Variants in TBCD observed in about 807,000 individuals in gnomAD.
The protein encoded by TBCD is tubulin-specific chaperone D.
In TBCD, 105 loss-of-function variants were observed where a neutral mutation model predicts 169.3. The observed-to-expected ratio is 0.62, with a 90% CI of 0.53 to 0.73. The LOEUF (loss-of-function observed/expected upper bound fraction) is 0.73, where lower values mean the gene tolerates loss of function less well. TBCD is among the 30% of genes least tolerant of loss of function. The pLI is 0.00. For missense variants in TBCD, 1,444 were observed against 1,600.1 expected, an observed-to-expected ratio of 0.90 and a Z score of 1.66; for synonymous variants, 700 against 643.9, an observed-to-expected ratio of 1.09 and a Z score of -1.32.
chr17:82,885,363 G>A (rs2058648754), intron 15 of TBCD, among the ~76,000 whole-genome samples: 1 of 152,176 alleles, frequency 6.6e-6, no homozygotes, highest in South Asian at 2.1e-4. Flanking sequence ...AGCTCAAAAT[G>A]TCTGTCATCT....
In TBCD at chr17:82,923,367, G is replaced by C. The variant is rs570293229; in HGVS notation, c.2179-285G>C. Among the ~76,000 whole-genome samples, 61 of 152,290 alleles carry C rather than the reference G, an allele frequency of 4.0e-4. No individual in the cohort carries two copies. Among genetic ancestry groups the C allele is most frequent in the Non-Finnish European group, 9.0e-4 (61 of 68,016 alleles). ...ATGACTTAGGGGTTCTTTTGGTTTGGTTCGAAAGTCATTGCTGTGCCGAGA... is the reference window on the plus strand; with the variant it reads ...ATGACTTAGGGGTTCTTTTGGTTTGCTTCGAAAGTCATTGCTGTGCCGAGA... On this transcript the variant is annotated intron_variant, in intron 25 of 38. Transcript: ENST00000355528. The surrounding 1 kb of genome is among the most constrained non-coding windows in gnomAD (Gnocchi z 4.6).
chr17:82,942,441 T>C lies in TBCD; in HGVS notation c.3565-8T>C, dbSNP rs779848425. ...GACCAGCCTGAGCTTGTCTTGTCTCTTCTTCAGCCTGGTGCCTGCTGAAGC... is the reference window on the plus strand; with the variant it reads ...GACCAGCCTGAGCTTGTCTTGTCTCCTCTTCAGCCTGGTGCCTGCTGAAGC... On this transcript the variant is annotated splice_region_variant and splice_polypyrimidine_tract_variant and intron_variant, in intron 38 of 38. Coordinates refer to ENST00000355528, the MANE Select transcript of TBCD (RefSeq NM_005993.5). 3 of 1,613,898 alleles carry C rather than the reference T, an allele frequency of 1.9e-6. No individual in the cohort carries two copies. Among genetic ancestry groups the C allele is most frequent in the Non-Finnish European group, 2.5e-6 (3 of 1,179,826 alleles).
intron 13 of TBCD, among the ~76,000 whole-genome samples, chr17:82,824,880 T>G (rs1047217563): frequency 6.6e-6 from 1 of 152,120 alleles, no homozygotes; most frequent in African/African-American, 2.4e-5. Context: ...AAATTACGAG[T>G]GTTTAGTTCT....
chr17:82,799,878 G>A (rs1243152793), intron 8 of TBCD, among the ~76,000 whole-genome samples: 1 of 152,214 alleles, frequency 6.6e-6, no homozygotes, highest in East Asian at 1.9e-4. Context: ...AGCTGACCTG[G>A]TTTTATAGGC....
At chr17:82,827,750 C>T (rs1482837996) in intron 13 of TBCD, among the ~76,000 whole-genome samples, 4 of 152,048 alleles carry the variant, frequency 2.6e-5, no homozygotes, top group African/African-American at 4.8e-5. Flanking sequence ...CGTGCACACC[C>T]GTACAATCGA....
chr17:82,928,716 T>A (rs571477515), intron 30 of TBCD, among the ~76,000 whole-genome samples: 1 of 148,690 alleles, frequency 6.7e-6, no homozygotes, highest in East Asian at 2.1e-4. Context: ...CCCCTCCCCA[T>A]CTCTTCCCCA....
intron 34 of TBCD, among the ~76,000 whole-genome samples, chr17:82,936,312 G>A (rs1048687418): frequency 6.6e-6 from 1 of 152,234 alleles, no homozygotes; most frequent in African/African-American, 2.4e-5. Context: ...CGTCTTTTCA[G>A]GTGTAGGTTT....
intron 29 of TBCD, among the ~76,000 whole-genome samples, chr17:82,927,602 G>A (rs1472262711): frequency 6.6e-6 from 1 of 152,132 alleles, no homozygotes; most frequent in Non-Finnish European, 1.5e-5. Context: ...AAAGGCTGCC[G>A]GCTGCTTACA....
chr17:82,926,481 G>T lies in TBCD; in HGVS notation c.2461G>T (p.Ala821Ser). Reference sequence around the variant, plus strand: ...TGAGTCCAGGAGAGACGGCTTGAAGGCCATTGCGAGGTGAGTCCCAACAGT... The same window carrying T: ...TGAGTCCAGGAGAGACGGCTTGAAGTCCATTGCGAGGTGAGTCCCAACAGT... ...FAESRRDGLKAIARICQTVGV... is the reference protein window; with the variant it reads ...FAESRRDGLKSIARICQTVGV... The change falls in exon 28 of 39, where the codon GCC (alanine) becomes TCC (serine). Residue 821 changes from alanine (A) to serine (S), a missense_variant. Ala to Ser is a moderately conservative substitution (Grantham distance 99). Transcript: ENST00000355528. The T allele has an allele frequency of 6.2e-7, 1 of 1,613,860 alleles. No individual in the cohort carries two copies. The highest frequency in any genetic ancestry group is 8.5e-7 in the Non-Finnish European group (1 of 1,179,820).
intron 13 of TBCD, chr17:82,839,079 C>T (rs551890495): frequency 5.4e-6 from 4 of 735,870 alleles, no homozygotes; most frequent in Non-Finnish European, 6.6e-6. Flanking sequence ...AACTTAACCC[C>T]TTTGGTTTGG....
In TBCD at chr17:82,831,498, G is replaced by A. The variant is rs141585758; in HGVS notation, c.1318+16564G>A. ...ATGCAGACTCTGGCCTGTAAAATCC[G>A]TAAGGAATCGGCAGGTTAGAGGGAT... On this transcript the variant is annotated intron_variant, in intron 13 of 38. Coordinates refer to ENST00000355528, the MANE Select transcript of TBCD (RefSeq NM_005993.5). The surrounding 1 kb of genome is among the most constrained non-coding windows in gnomAD (Gnocchi z 4.6). 4.5e-5 allele frequency: 72 copies of A among 1,614,058 alleles called. No homozygotes were observed. In the African/African-American group the frequency reaches 6.1e-4, roughly 14 times the overall value.
chr17:82,937,188 T>G (rs1599711605), intron 34 of TBCD, 83 bp from the exon 35 acceptor site: 2 of 1,298,570 alleles, frequency 1.5e-6, no homozygotes, highest in Non-Finnish European at 2.2e-6. Flanking sequence ...GAGGACGGAG[T>G]TGACCTTCTT....
At chr17:82,859,742 G>A (rs899356602) in intron 13 of TBCD, 16 of 985,344 alleles carry the variant, frequency 1.6e-5, no homozygotes, top group Non-Finnish European at 1.8e-5. Flanking sequence ...TCCACAGTGG[G>A]GGCTGCTGCC....
intron 9 of TBCD, among the ~76,000 whole-genome samples, chr17:82,802,133 A>T (rs1475714368): frequency 1.3e-5 from 1 of 78,090 alleles, no homozygotes; most frequent in African/African-American, 4.5e-5. Context: ...TGTTGGAGAA[A>T]GTGAAACCGC....
chr17:82,802,403 A>G (rs186275162), intron 9 of TBCD, among the ~76,000 whole-genome samples: 8 of 152,252 alleles, frequency 5.3e-5, no homozygotes, highest in Non-Finnish European at 1.0e-4. Context: ...CTCTGTAGGA[A>G]GTTGCTCATT....
chr17:82,906,326 C>G (rs910526949), intron 20 of TBCD, among the ~76,000 whole-genome samples: 3 of 152,240 alleles, frequency 2.0e-5, no homozygotes, highest in Non-Finnish European at 2.9e-5. Context: ...TGTCCTGCCC[C>G]TGCTGCCTCC....
At chr17:82,936,685 C>T (rs2062661013) in intron 34 of TBCD, among the ~76,000 whole-genome samples, 1 of 152,172 alleles carries the variant, frequency 6.6e-6, no homozygotes, top group African/African-American at 2.4e-5. Flanking sequence ...TGTTGGGTGG[C>T]TGGAGCTTGG....
At chr17:82,865,086 G>A (rs184926305) in intron 13 of TBCD, among the ~76,000 whole-genome samples, 57 of 152,332 alleles carry the variant, frequency 3.7e-4, no homozygotes, top group African/African-American at 1.3e-3. Flanking sequence ...CGTCCTGTGG[G>A]AACTGGAAAC....
intron 2 of TBCD, among the ~76,000 whole-genome samples, chr17:82,758,665 T>TTC (rs1371077035): frequency 3.6e-5 from 5 of 140,390 alleles, no homozygotes; most frequent in African/African-American, 1.3e-4. Flanking sequence ...TTTTTTCTTT[T>TTC]TTTTTTTTTT....
Sources: gnomAD v4.1 joint callset for allele counts (sites outside exome capture counted in the v4.1 genomes callset) on GRCh38, gnomAD v4.1.1 for gene constraint, Gnocchi (gnomAD v3.1) non-coding constraint, MANE v1.5 for transcripts, NCBI Gene and HGNC (gene_info 2026-07-23, HGNC 2026-07-21) for gene names.